Variants in RET observed in about 807,000 individuals in gnomAD.
The protein encoded by RET is proto-oncogene tyrosine-protein kinase receptor Ret.
RET carries 19 observed loss-of-function variants against 118.3 expected under a neutral mutation model. The ratio of observed to expected loss-of-function variants is 0.16; its 90% CI spans 0.11 to 0.24. The LOEUF is 0.24. Among genes scored for constraint, RET ranks in the 10% least tolerant of loss-of-function variants. The pLI is 1.00. For missense variants in RET, 1,219 were observed against 1,502.1 expected, an observed-to-expected ratio of 0.81 and a Z score of 3.12; for synonymous variants, 597 against 644.1, an observed-to-expected ratio of 0.93 and a Z score of 1.11.
intron 3 of RET, among the ~76,000 whole-genome samples, chr10:43,103,710 T>C (rs550697574): frequency 6.6e-6 from 1 of 152,362 alleles, no homozygotes; most frequent in East Asian, 1.9e-4. Flanking sequence ...GATGGAGCAC[T>C]TGGTTTTTTG....
At position 43,125,084 on chromosome 10, in the gene RET, G is replaced by A; in HGVS notation, c.3039+102G>A. 4.9e-6 allele frequency: 5 copies of A among 1,026,052 alleles called. No homozygotes were observed. The South Asian group carries it at 5.3e-5, about 11-fold the overall frequency. 63.6% of individuals were successfully genotyped at this position (1,026,052 alleles called of 1,614,324 possible). A position where few individuals can be genotyped will look rare whatever the true frequency, so the allele number is the denominator to read the frequency against. Reference sequence around the variant, plus strand: ...TAGCCCTCAGAGTTCCCAGTGTGGGGCCACAGTGGGATTGTGCAGAGAGAG... The same window carrying A: ...TAGCCCTCAGAGTTCCCAGTGTGGGACCACAGTGGGATTGTGCAGAGAGAG... On this transcript the variant is annotated intron_variant, in intron 18 of 19. Transcript: ENST00000355710.
At chr10:43,124,057 A>G (rs1838279003) in intron 17 of RET, among the ~76,000 whole-genome samples, 1 of 152,154 alleles carries the variant, frequency 6.6e-6, no homozygotes, top group Admixed American at 6.5e-5. Flanking sequence ...GGTGCAATGC[A>G]AGCTCAAGGG....
intron 7 of RET, 24 bp downstream of exon 7, chr10:43,111,489 A>G (rs1588871545): frequency 1.1e-5 from 10 of 884,554 alleles, no homozygotes; most frequent in South Asian, 2.6e-5. Context: ...CCAGGGAGGG[A>G]GGGTCGGGGT....
chr10:43,101,008 G>T (rs1053762490), intron 2 of RET, among the ~76,000 whole-genome samples: 6 of 152,362 alleles, frequency 3.9e-5, no homozygotes, highest in Admixed American at 2.6e-4. Context: ...GGCTAAAAAG[G>T]ATTAGGAGGT....
In RET at chr10:43,104,207, A is replaced by AC. The variant is rs148928029; in HGVS notation, c.626-744dup. On this transcript the variant is annotated intron_variant, in intron 3 of 19. Transcript: ENST00000355710. ...ATGTCACATCATACCCCAGATGTCC[A>AC]CTGTGTTTGTTTTCAAGTGGTAGAA... Among the ~76,000 whole-genome samples the AC allele has an allele frequency of 5.4e-3, 819 of 152,144 alleles. 11 individuals carry two copies. The highest frequency in any genetic ancestry group is 0.019 in the African/African-American group (795 of 41,490).
In RET at chr10:43,109,072, A is replaced by G. The variant is rs1212213363; in HGVS notation, c.1105A>G (p.Thr369Ala). Residue 369 changes from threonine to alanine, a missense_variant, in exon 6 of 20, where the codon ACC becomes GCC. Thr to Ala is a moderately conservative substitution (Grantham distance 58). Around this residue, in one of 5 missense-constraint regions of RET, gnomAD observed 850 missense variants for 969.6 expected, o/e 0.88. Transcript: ENST00000355710. The part of the protein sequence containing the change: ...NRNLSISENR[T>A]MQLAVLVNDS... ...GAACCTCTCCATCTCGGAGAACCGC[A>G]CCATGCAGCTGGCGGTGCTGGTCAA... The G allele has an allele frequency of 6.2e-7, 1 of 1,613,706 alleles. No homozygotes were observed. Among genetic ancestry groups the G allele is most frequent in the Admixed American group, 1.7e-5 (1 of 60,016 alleles).
At chr10:43,077,928 T>TC (rs1252986988) in intron 1 of RET, among the ~76,000 whole-genome samples, 1 of 151,878 alleles carries the variant, frequency 6.6e-6, no homozygotes, top group Non-Finnish European at 1.5e-5. Flanking sequence ...CTGGGGTGGC[T>TC]CCCCCCGAGG....
Position 43,119,587 on chromosome 10 carries a change from C to T in RET, c.2449C>T (p.Arg817Cys), listed in dbSNP as rs142318626. 7.4e-6 allele frequency: 12 copies of T among 1,611,610 alleles called. No individual in the cohort carries two copies. Among genetic ancestry groups the T allele is most frequent in the Non-Finnish European group, 9.3e-6 (11 of 1,179,726 alleles). Residue 817 changes from arginine (R) to cysteine (C), a missense_variant, in exon 14 of 20, where the codon CGC becomes TGC. Coordinates refer to ENST00000355710, the MANE Select transcript of RET (RefSeq NM_020975.6). ...AKYGSLRGFL[R>C]ESRKVGPGYL... The stretch of plus-strand genomic sequence containing the variant: ...ATACGGCTCCCTGCGGGGCTTCCTC[C>T]GCGAGAGCCGCAAAGTGGGGCCTGG...
chr10:43,113,397 C>T (rs578078432), intron 9 of RET, among the ~76,000 whole-genome samples, 159 bp from the exon 10 acceptor site: 2 of 152,292 alleles, frequency 1.3e-5, no homozygotes, highest in East Asian at 3.9e-4. Context: ...GTGACCAAGC[C>T]CTGCCCGGCT....
At chr10:43,100,845 G>C (rs1053795015) in intron 2 of RET, 123 bp downstream of exon 2, 1 of 1,137,262 alleles carries the variant, frequency 8.8e-7, no homozygotes, top group Non-Finnish European at 1.3e-6. Flanking sequence ...TGTGGAAGGC[G>C]TCAGGGGTTA....
rs571603831 is a variant in RET, at chr10:43,114,685, C to T, written c.2085C>T (p.Pro695=). Residue 695 remains proline (P), a synonymous_variant, in exon 11 of 20, where the codon CCC becomes CCT. Coordinates refer to ENST00000355710, the MANE Select transcript of RET (RefSeq NM_020975.6). The surrounding 1 kb of genome is among the most constrained non-coding windows in gnomAD (Gnocchi z 4.6). ...VSYSSSGARR[P]SLDSMENQVS... ...ACTCCTCTTCCGGTGCCCGCCGGCC[C>T]TCGCTGGACTCCATGGAGAACCAGG... 5.0e-6 allele frequency: 8 copies of T among 1,612,470 alleles called. No individual in the cohort carries two copies. The African/African-American group carries it at 6.7e-5, about 13-fold the overall frequency.
chr10:43,114,422 G>A lies in RET; in HGVS notation c.1880-58G>A, dbSNP rs2132841486. ...CCATGAGGCAGAGCATACGCAGCCT[G>A]TACCCAGTGGTGCCGAGCCTCTGGC... On this transcript the variant is annotated intron_variant, in intron 10 of 19. Transcript: ENST00000355710. This position sits in a 1 kb window ranked among gnomAD's most constrained non-coding sequence, Gnocchi z 4.6. The A allele has an allele frequency of 1.3e-6, 2 of 1,598,682 alleles. No individual in the cohort carries two copies. Among genetic ancestry groups the A allele is most frequent in the East Asian group, 2.2e-5 (1 of 44,842 alleles).
chr10:43,113,354 G>T (rs1028018624), intron 9 of RET, among the ~76,000 whole-genome samples: 46 of 152,306 alleles, frequency 3.0e-4, no homozygotes, highest in African/African-American at 9.1e-4. Context: ...TTAGGAGGGG[G>T]CCTGGCTTCA....
At chr10:43,101,647 G>A (rs2049496852) in intron 2 of RET, among the ~76,000 whole-genome samples, 1 of 152,220 alleles carries the variant, frequency 6.6e-6, no homozygotes, top group Non-Finnish European at 1.5e-5. Context: ...CCCTGGGCCT[G>A]CATTTCGTAG....
Position 43,129,498 on chromosome 10 carries a change from T to C in RET, c.*1229T>C. On this transcript the variant is annotated 3_prime_UTR_variant, in exon 20 of 20. Transcript: ENST00000355710. The stretch of plus-strand genomic sequence containing the variant: ...CTCATAAGCTTCTTGTCATTCTTCA[T>C]TGCTTGTTTGTGGTCACAGATGCAC... 1 of 234,936 alleles carries C rather than the reference T, an allele frequency of 4.3e-6. No individual in the cohort carries two copies. Among genetic ancestry groups the C allele is most frequent in the East Asian group, 6.0e-5 (1 of 16,612 alleles). The allele number at this position is 234,936 out of a possible 1,614,324, so 14.6% of individuals were successfully genotyped here.
Position 43,102,950 on chromosome 10 carries a change from A to G in RET, c.625+321A>G, listed in dbSNP as rs1588864405. The G allele has an allele frequency of 1.2e-5, 5 of 416,358 alleles. No homozygotes were observed. In the East Asian group the frequency reaches 2.6e-4, roughly 22 times the overall value. The allele number at this position is 416,358 out of a possible 1,614,324, so 25.8% of individuals were successfully genotyped here. A position where few individuals can be genotyped will look rare whatever the true frequency, so the allele number is the denominator to read the frequency against. On this transcript the variant is annotated intron_variant, in intron 3 of 19. Transcript: ENST00000355710. ...TGGGGAGGAAACTGGGAAGAGGGAA[A>G]CGCTGAAGAGGAGGGGAACAGACGA...
Position 43,114,481 on chromosome 10 carries a change from T to TCAACTG in RET, c.1882_1883insAACTGC (p.Asp627_Pro628insGlnLeu). On this transcript the variant is annotated inframe_insertion and splice_region_variant, in exon 11 of 20. Transcript: ENST00000355710. The surrounding 1 kb of genome is among the most constrained non-coding windows in gnomAD (Gnocchi z 4.6). ...GCCTCACACCACCCCCACCCACAGATCCACTGTGCGACGAGCTGTGCCGCA... is the reference window on the plus strand; with the variant it reads ...GCCTCACACCACCCCCACCCACAGATCAACTGCCACTGTGCGACGAGCTGTGCCGCA... The TCAACTG allele has an allele frequency of 6.2e-7, 1 of 1,605,928 alleles. No individual in the cohort carries two copies. Among genetic ancestry groups the TCAACTG allele is most frequent in the Non-Finnish European group, 8.5e-7 (1 of 1,179,890 alleles).
chr10:43,097,820 G>A (rs761768650), intron 1 of RET, among the ~76,000 whole-genome samples: 3 of 151,962 alleles, frequency 2.0e-5, no homozygotes, highest in Non-Finnish European at 2.9e-5. Flanking sequence ...GGAGCCCAGC[G>A]GCCCTGGGGG....
intron 1 of RET, among the ~76,000 whole-genome samples, chr10:43,091,774 C>G (rs558777657): frequency 7.0e-6 from 1 of 143,016 alleles, no homozygotes; most frequent in South Asian, 2.2e-4. Context: ...AAATACAAAT[C>G]AAAATCACCA....
Sources: gnomAD v4.1 joint callset for allele counts (sites outside exome capture counted in the v4.1 genomes callset) on GRCh38, gnomAD v4.1.1 for gene constraint, gnomAD v4.1.1 regional missense constraint, Gnocchi (gnomAD v3.1) non-coding constraint, MANE v1.5 for transcripts, NCBI Gene and HGNC (gene_info 2026-07-23, HGNC 2026-07-21) for gene names.